The following REV3L variants were observed in gnomAD, a reference collection of about 807,000 sequenced individuals.
REV3L encodes the protein REV3 like, DNA directed polymerase zeta catalytic subunit.
A neutral mutation model predicts 299.4 loss-of-function variants in REV3L; 69 were observed. The ratio of observed to expected loss-of-function variants is 0.23; its 90% CI spans 0.19 to 0.28. The LOEUF (loss-of-function observed/expected upper bound fraction) is 0.28, where lower values mean the gene tolerates loss of function less well. REV3L is among the 10% of genes least tolerant of loss of function. REV3L has a pLI of 1.00. For synonymous variants in REV3L, 1,238 were observed against 1,271.4 expected, an observed-to-expected ratio of 0.97 and a Z score of 0.56; for missense variants, 3,128 against 3,693.8, an observed-to-expected ratio of 0.85 and a Z score of 3.97.
chr6:111,316,746 G>A (rs1260409291), intron 26 of REV3L, among the ~76,000 whole-genome samples: 2 of 150,474 alleles, frequency 1.3e-5, no homozygotes, highest in Non-Finnish European at 3.0e-5. Flanking sequence ...AACATAAAAA[G>A]ACACACGGAA....
chr6:111,305,425 T>TA (rs1028996021), intron 31 of REV3L, among the ~76,000 whole-genome samples: 4 of 150,006 alleles, frequency 2.7e-5, no homozygotes, highest in Admixed American at 6.7e-5. Context: ...ACCCGATGTC[T>TA]AAAAAAAAAT....
intron 2 of REV3L, chr6:111,412,358 A>C: frequency 1.5e-6 from 1 of 658,926 alleles, no homozygotes; most frequent in Non-Finnish European, 1.9e-6. Context: ...TCGGTGCAAG[A>C]TGAAATAAGC....
In REV3L at chr6:111,391,684, C is replaced by A. The variant is rs946058415; in HGVS notation, c.662+1192G>T. Among the ~76,000 whole-genome samples, 7 of 152,188 alleles carry A rather than the reference C, an allele frequency of 4.6e-5. 1 individual carries two copies. Among genetic ancestry groups the A allele is most frequent in the African/African-American group, 1.7e-4 (7 of 41,432 alleles). Reference sequence around the variant, plus strand: ...TGGCTCATGAATGTGATCCCAGCTTCGGCTTGGGAGGCCAGCCTGAGCAAT... The same window carrying A: ...TGGCTCATGAATGTGATCCCAGCTTAGGCTTGGGAGGCCAGCCTGAGCAAT... On this transcript the variant is annotated intron_variant, in intron 5 of 31. Coordinates refer to ENST00000368802, the MANE Select transcript of REV3L (RefSeq NM_001372078.1).
chr6:111,430,630 G>A, intron 1 of REV3L: 1 of 1,526,258 alleles, frequency 6.6e-7, no homozygotes, highest in South Asian at 1.1e-5. Flanking sequence ...GGGGAGGACA[G>A]AGGCTGCTGG....
intron 1 of REV3L, 133 bp downstream of exon 1, chr6:111,482,617 A>G (rs1316316953): frequency 7.9e-6 from 3 of 381,672 alleles, no homozygotes; most frequent in Non-Finnish European, 1.1e-5. Context: ...AGGAGGGCGG[A>G]GGGGAGGGAA....
At chr6:111,368,490 A>C (rs1021948695) in intron 13 of REV3L, among the ~76,000 whole-genome samples, 1 of 152,214 alleles carries the variant, frequency 6.6e-6, no homozygotes, top group African/African-American at 2.4e-5. Flanking sequence ...AAGCCAGTCA[A>C]TTCAAATGAA....
intron 1 of REV3L, among the ~76,000 whole-genome samples, chr6:111,480,894 T>C (rs1313143972): frequency 6.7e-6 from 1 of 150,010 alleles, no homozygotes; most frequent in Non-Finnish European, 1.5e-5. Flanking sequence ...CCATGAAGGA[T>C]TAAATAGGAA....
chr6:111,389,329 A>G, intron 6 of REV3L, 119 bp from the exon 7 acceptor site: 2 of 742,404 alleles, frequency 2.7e-6, no homozygotes, highest in Non-Finnish European at 4.5e-6. Context: ...TTGTGTAATA[A>G]AGTGGACAAA....
intron 1 of REV3L, 95 bp downstream of exon 1, chr6:111,482,655 C>A (rs1202893741): frequency 9.2e-6 from 7 of 759,914 alleles, no homozygotes; most frequent in African/African-American, 3.8e-5. Flanking sequence ...CGGAGACGGC[C>A]GGCGCCGGTG....
intron 1 of REV3L, among the ~76,000 whole-genome samples, chr6:111,467,890 T>A (rs1562359471): frequency 6.6e-6 from 1 of 152,080 alleles, no homozygotes; most frequent in Non-Finnish European, 1.5e-5. Flanking sequence ...ACTACCATGA[T>A]CTATGCATGT....
intron 18 of REV3L, among the ~76,000 whole-genome samples, chr6:111,355,796 G>A (rs1281160647): frequency 3.9e-5 from 6 of 152,134 alleles, no homozygotes; most frequent in Non-Finnish European, 8.8e-5. Context: ...TAAAAGAAGT[G>A]TGGATACTGA....
At chr6:111,396,574 T>TTGAGAAGAATTGGTGCCA (rs1258673174) in intron 4 of REV3L, among the ~76,000 whole-genome samples, 1 of 152,142 alleles carries the variant, frequency 6.6e-6, no homozygotes, top group Non-Finnish European at 1.5e-5. Flanking sequence ...GGTGTTAGTT[T>TTGAGAAGAATTGGTGCCA]TTCTTTCTAA....
chr6:111,339,101 T>C (rs1378104971), intron 21 of REV3L, among the ~76,000 whole-genome samples: 1 of 152,182 alleles, frequency 6.6e-6, no homozygotes, highest in Non-Finnish European at 1.5e-5. Context: ...GCTGCTATTA[T>C]TATGATAATT....
intron 18 of REV3L, among the ~76,000 whole-genome samples, chr6:111,356,179 A>G (rs1778071584): frequency 6.6e-6 from 1 of 152,174 alleles, no homozygotes; most frequent in Admixed American, 6.5e-5. Context: ...CAACATGCTC[A>G]TGGACAGCTT....
chr6:111,367,200 T>C lies in REV3L; in HGVS notation c.6588A>G (p.Ser2196=), dbSNP rs918679080. ...TGATTGGTGTACTATGAAAGCAAAG[T>C]GATTCACATTTCCCAGTTCTTGCCC... is the stretch of plus-strand genomic sequence containing the variant. ...NTRARTGKCE[S]LCFHSTPIIQ... is the part of the protein sequence containing the mutation. Residue 2196 remains serine, a synonymous_variant, in exon 14 of 32, where the codon TCA becomes TCG. Coordinates refer to ENST00000368802, the MANE Select transcript of REV3L (RefSeq NM_001372078.1). 6.2e-7 allele frequency: 1 copy of C among 1,613,892 alleles called. No individual in the cohort carries two copies. The highest frequency in any genetic ancestry group is 2.2e-5 in the East Asian group (1 of 44,888).
At chr6:111,340,135 T>C (rs1002962657) in intron 21 of REV3L, among the ~76,000 whole-genome samples, 4 of 152,146 alleles carry the variant, frequency 2.6e-5, no homozygotes, top group African/African-American at 4.8e-5. Context: ...GAGTACAAAA[T>C]TCACTTATTC....
rs774478923 is a variant in REV3L at position 111,377,844 on chromosome 6, C to T, written c.1455-1G>A. On this transcript the variant is annotated splice_acceptor_variant, in intron 11 of 31. Transcript: ENST00000368802. LOFTEE classifies it high-confidence loss of function. ...TCTGTGGGTATTTCTGCACAGTGATCTGGAGAACATTAAAATTCACTGGTG... is the reference window on the plus strand; with the variant it reads ...TCTGTGGGTATTTCTGCACAGTGATTTGGAGAACATTAAAATTCACTGGTG... 5 of 1,605,336 alleles carry T rather than the reference C, an allele frequency of 3.1e-6. No individual in the cohort carries two copies. The African/African-American group carries it at 6.7e-5, about 22-fold the overall frequency.
At chr6:111,329,925 C>T (rs1775218293) in intron 24 of REV3L, among the ~76,000 whole-genome samples, 187 bp from the exon 25 acceptor site, 1 of 152,108 alleles carries the variant, frequency 6.6e-6, no homozygotes, top group Non-Finnish European at 1.5e-5. Context: ...GAGGATTTCT[C>T]CTAAATGGTT....
rs752433367 is a variant in REV3L, at chr6:111,311,055, G to C, written c.8795+14C>G. 1 of 1,606,458 alleles carries C rather than the reference G, an allele frequency of 6.2e-7. No homozygotes were observed. Among genetic ancestry groups the C allele is most frequent in the Admixed American group, 1.7e-5 (1 of 58,890 alleles). Reference sequence around the variant, plus strand: ...CTCAGGACTATCCTGGCAAGGTACTGAGGGTATCATTACCTTGTAAGTTCA... The same window carrying C: ...CTCAGGACTATCCTGGCAAGGTACTCAGGGTATCATTACCTTGTAAGTTCA... On this transcript the variant is annotated intron_variant, in intron 29 of 31. Transcript: ENST00000368802.
Sources: gnomAD v4.1 joint callset for allele counts (sites outside exome capture counted in the v4.1 genomes callset) on GRCh38, gnomAD v4.1.1 for gene constraint, MANE v1.5 for transcripts, NCBI Gene and HGNC (gene_info 2026-07-23, HGNC 2026-07-21) for gene names.